COG5: variants seen among roughly 807,000 people sequenced by gnomAD.
COG5 encodes the protein conserved oligomeric Golgi complex subunit 5.
A neutral mutation model predicts 110.4 loss-of-function variants in COG5; 86 were observed. The ratio of observed to expected loss-of-function variants is 0.78; its 90% CI spans 0.65 to 0.93. The LOEUF (loss-of-function observed/expected upper bound fraction) is 0.93. Ranked by LOEUF, COG5 falls within the 40% of genes least tolerant of loss-of-function variation. The probability of loss-of-function intolerance (pLI) is 0.00; values close to 1 mark genes in which losing one functional copy is unlikely to be tolerated. For missense variants in COG5, 1,077 were observed against 987.0 expected, an observed-to-expected ratio of 1.09 and a Z score of -1.22; for synonymous variants, 360 against 334.6, an observed-to-expected ratio of 1.08 and a Z score of -0.83.
chr7:107,439,542 A>T (rs936276955), intron 6 of COG5, among the ~76,000 whole-genome samples: 1 of 152,028 alleles, frequency 6.6e-6, no homozygotes, highest in Non-Finnish European at 1.5e-5. Flanking sequence ...AGTATATAGG[A>T]AAATAATTTA....
intron 6 of COG5, among the ~76,000 whole-genome samples, chr7:107,480,553 T>C (rs1414616484): frequency 6.6e-6 from 1 of 152,044 alleles, no homozygotes; most frequent in Non-Finnish European, 1.5e-5. Flanking sequence ...ACCTAAAATA[T>C]TCAAAGATGC....
intron 10 of COG5, among the ~76,000 whole-genome samples, chr7:107,327,532 G>A (rs989552709): frequency 1.3e-5 from 2 of 152,076 alleles, no homozygotes; most frequent in South Asian, 4.1e-4. Flanking sequence ...GAAAACATTT[G>A]CTAACCATAT....
chr7:107,213,289 C>G (rs1799303816), intron 19 of COG5, among the ~76,000 whole-genome samples: 1 of 152,148 alleles, frequency 6.6e-6, no homozygotes, highest in African/African-American at 2.4e-5. Context: ...AGATGCCCAC[C>G]ACAGTGCATT....
At chr7:107,205,970 T>A (rs372926380) in intron 21 of COG5, among the ~76,000 whole-genome samples, 5 of 147,654 alleles carry the variant, frequency 3.4e-5, no homozygotes, top group South Asian at 4.3e-4. Context: ...TTTTTTTTTT[T>A]ATTTTTTTGA....
chr7:107,422,029 A>G (rs1460370880), intron 6 of COG5, among the ~76,000 whole-genome samples: 2 of 152,194 alleles, frequency 1.3e-5, no homozygotes, highest in African/African-American at 4.8e-5. Flanking sequence ...TCAAATCAAT[A>G]ATACAAACTC....
intron 13 of COG5, among the ~76,000 whole-genome samples, chr7:107,282,197 C>T (rs1562949114): frequency 6.6e-6 from 1 of 152,058 alleles, no homozygotes; most frequent in African/African-American, 2.4e-5. Flanking sequence ...CTATGTGTAA[C>T]AAAAATGCAC....
At chr7:107,336,901 GCCAGAAGGACAAATAT>G (rs1331824252) in intron 10 of COG5, among the ~76,000 whole-genome samples, 1 of 152,088 alleles carries the variant, frequency 6.6e-6, no homozygotes, top group East Asian at 1.9e-4. Flanking sequence ...CCGCCTGGGA[GCCAGAAGGACAAATAT>G]CCAGAACATA....
intron 19 of COG5, among the ~76,000 whole-genome samples, chr7:107,227,413 A>G (rs1161720784): frequency 6.6e-6 from 1 of 152,242 alleles, no homozygotes; most frequent in Non-Finnish European, 1.5e-5. Flanking sequence ...AGATATAAAA[A>G]AAAAAGTAGA....
chr7:107,517,025 T>G (rs1799968819), intron 6 of COG5, among the ~76,000 whole-genome samples: 1 of 152,114 alleles, frequency 6.6e-6, no homozygotes, highest in Non-Finnish European at 1.5e-5. Flanking sequence ...TTGACAGAAG[T>G]AGGCTTCAGA....
chr7:107,333,473 C>A (rs1810444349), intron 10 of COG5, among the ~76,000 whole-genome samples: 1 of 151,998 alleles, frequency 6.6e-6, no homozygotes, highest in Non-Finnish European at 1.5e-5. Flanking sequence ...AAAATATTAG[C>A]TTTTACATGT....
chr7:107,297,717 G>A (rs1432702710), intron 12 of COG5, among the ~76,000 whole-genome samples: 1 of 152,080 alleles, frequency 6.6e-6, no homozygotes, highest in Admixed American at 6.6e-5. Context: ...CACATTGACT[G>A]AGAACCTATC....
chr7:107,410,785 A>T (rs1345357848), intron 7 of COG5, among the ~76,000 whole-genome samples: 2 of 152,148 alleles, frequency 1.3e-5, no homozygotes, highest in African/African-American at 4.8e-5. Context: ...ATGAGTTATA[A>T]CAGGAACAAG....
At position 107,248,476 on chromosome 7, in the gene COG5, A is replaced by G. The variant is rs1261977502; in HGVS notation, c.1773T>C (p.Asn591=). ...ALKAIHALME[N]AVQPLLTSVG... Reference sequence around the variant, plus strand: ...CAGAAGTGAGTAAGGGTTGCACAGCATTTTCCATAAGAGCATGAATAGCCT... The same window carrying G: ...CAGAAGTGAGTAAGGGTTGCACAGCGTTTTCCATAAGAGCATGAATAGCCT... Residue 591 remains asparagine, a synonymous_variant, in exon 17 of 22, where the codon AAT becomes AAC. Coordinates refer to ENST00000297135, the MANE Select transcript of COG5 (RefSeq NM_006348.5). 2 of 1,607,854 alleles carry G rather than the reference A, an allele frequency of 1.2e-6. No homozygotes were observed. Among genetic ancestry groups the G allele is most frequent in the Non-Finnish European group, 1.7e-6 (2 of 1,175,544 alleles).
chr7:107,400,024 T>C (rs1392888364), intron 7 of COG5, among the ~76,000 whole-genome samples: 5 of 150,946 alleles, frequency 3.3e-5, no homozygotes. Flanking sequence ...GTAAACATAA[T>C]AGTCTTTGCA....
chr7:107,559,150 A>C (rs991760190), intron 1 of COG5, among the ~76,000 whole-genome samples: 1 of 152,120 alleles, frequency 6.6e-6, no homozygotes, highest in African/African-American at 2.4e-5. Context: ...ACTGAAATTT[A>C]GGATTTATGG....
intron 6 of COG5, among the ~76,000 whole-genome samples, chr7:107,423,212 T>C (rs557588860): frequency 6.6e-6 from 1 of 152,298 alleles, no homozygotes; most frequent in South Asian, 2.1e-4. Context: ...TAAACCACAC[T>C]TTTATATTTT....
chr7:107,381,465 T>C (rs1178942275), intron 7 of COG5, among the ~76,000 whole-genome samples: 2 of 152,230 alleles, frequency 1.3e-5, no homozygotes, highest in African/African-American at 4.8e-5. Context: ...ATGCTACTAA[T>C]CATAATTAAG....
intron 6 of COG5, among the ~76,000 whole-genome samples, chr7:107,427,342 T>C (rs1284416238): frequency 6.6e-6 from 1 of 152,164 alleles, no homozygotes; most frequent in Non-Finnish European, 1.5e-5. Flanking sequence ...ATTTCTTCTC[T>C]TATTCACTTT....
At position 107,444,552 on chromosome 7, in the gene COG5, T is replaced by C. The variant is rs767127049; in HGVS notation, c.539-31920A>G. Among the ~76,000 whole-genome samples the C allele has an allele frequency of 5.3e-4, 80 of 152,218 alleles. 1 individual carries two copies. The highest frequency in any genetic ancestry group is 1.5e-4 in the Non-Finnish European group (10 of 68,038). On this transcript the variant is annotated intron_variant, in intron 6 of 21. Transcript: ENST00000297135. Reference sequence around the variant, plus strand: ...CTTTATTTAATGAAACTTGTTCTAATTCTTCAAACAATATGGTTTATTTTG... The same window carrying C: ...CTTTATTTAATGAAACTTGTTCTAACTCTTCAAACAATATGGTTTATTTTG...
Sources: allele counts gnomAD v4.1 joint callset (sites outside exome capture counted in the v4.1 genomes callset), GRCh38; gene constraint gnomAD v4.1.1; transcripts MANE v1.5; gene names NCBI Gene and HGNC (gene_info 2026-07-23, HGNC 2026-07-21).